The following ATE1 variants were observed in gnomAD, a reference collection of about 807,000 sequenced individuals.
The protein encoded by ATE1 is arginyltransferase 1.
Under a neutral mutation model 70.5 loss-of-function variants are expected in ATE1, and 36 were observed. That is an observed-to-expected ratio of 0.51 (90% CI 0.39 to 0.67). The LOEUF (loss-of-function observed/expected upper bound fraction) is 0.67, where lower values mean the gene tolerates loss of function less well. Ranked by LOEUF, ATE1 falls within the 30% of genes least tolerant of loss-of-function variation. ATE1 has a pLI of 0.00. For missense variants in ATE1, 593 were observed against 629.5 expected (o/e 0.94, Z 0.62); for synonymous variants, 232 against 219.3 (o/e 1.06, Z -0.51).
chr10:121,867,254 G>A (rs930017199), intron 8 of ATE1, among the ~76,000 whole-genome samples: 6 of 152,150 alleles, frequency 3.9e-5, no homozygotes, highest in East Asian at 1.9e-4. Flanking sequence ...TTTGAGAGAC[G>A]TCAACTGTTA....
chr10:121,836,354 C>T (rs1316088342), intron 10 of ATE1, among the ~76,000 whole-genome samples: 1 of 152,178 alleles, frequency 6.6e-6, no homozygotes, highest in Admixed American at 6.5e-5. Context: ...TTTGTTATTG[C>T]TATCGCGGTG....
At chr10:121,869,174 T>C (rs1044967382) in intron 8 of ATE1, among the ~76,000 whole-genome samples, 15 of 152,154 alleles carry the variant, frequency 9.9e-5, no homozygotes, top group Admixed American at 8.5e-4. Flanking sequence ...ATTTGAGAGG[T>C]AGGAATTATT....
At chr10:121,771,228 GC>G (rs1945505188) in intron 11 of ATE1, among the ~76,000 whole-genome samples, 1 of 152,098 alleles carries the variant, frequency 6.6e-6, no homozygotes, top group Non-Finnish European at 1.5e-5. Context: ...CTGCCACCAT[GC>G]CTGGCTAATT....
intron 11 of ATE1, among the ~76,000 whole-genome samples, chr10:121,744,857 T>C (rs918199932): frequency 2.6e-5 from 4 of 152,214 alleles, no homozygotes; most frequent in African/African-American, 9.7e-5. Context: ...TGGAAGTGTT[T>C]TGTGGAAGTT....
At chr10:121,803,878 G>A (rs190455005) in intron 10 of ATE1, among the ~76,000 whole-genome samples, 2 of 151,694 alleles carry the variant, frequency 1.3e-5, no homozygotes, top group East Asian at 1.9e-4. Flanking sequence ...CCTTTTTTTC[G>A]GCCTGATGGA....
intron 10 of ATE1, among the ~76,000 whole-genome samples, chr10:121,791,871 C>CA (rs1405016283): frequency 2.0e-5 from 3 of 152,154 alleles, no homozygotes; most frequent in Non-Finnish European, 4.4e-5. Context: ...AACACCAGTG[C>CA]AAAACTCATT....
chr10:121,860,935 A>T (rs1024979178), intron 8 of ATE1, among the ~76,000 whole-genome samples: 1 of 152,200 alleles, frequency 6.6e-6, no homozygotes, highest in Admixed American at 6.5e-5. Flanking sequence ...CTGCTTTTAC[A>T]ATATTTCTTA....
Position 121,920,980 on chromosome 10 carries a change from C to T in ATE1, c.233+1369G>A, listed in dbSNP as rs78943820. Among the ~76,000 whole-genome samples, 1,340 of 149,200 alleles carry T rather than the reference C, an allele frequency of 9.0e-3. 13 individuals are homozygous for T. The highest frequency in any genetic ancestry group is 0.031 in the African/African-American group (1,271 of 40,472). On this transcript the variant is annotated intron_variant, in intron 3 of 11. Coordinates refer to ENST00000224652, the MANE Select transcript of ATE1 (RefSeq NM_001001976.3). ...TTGCACTCCAGCCCAGGCGACAGTGCGAGACTCCGTCTCTTTAAAAAAAAA... is the reference window on the plus strand; with the variant it reads ...TTGCACTCCAGCCCAGGCGACAGTGTGAGACTCCGTCTCTTTAAAAAAAAA...
intron 10 of ATE1, among the ~76,000 whole-genome samples, chr10:121,813,341 C>T (rs1417566542): frequency 6.6e-6 from 1 of 152,190 alleles, no homozygotes; most frequent in Non-Finnish European, 1.5e-5. Context: ...CCTCATTCTC[C>T]ATCTCAACCT....
intron 2 of ATE1, among the ~76,000 whole-genome samples, chr10:121,922,893 C>G (rs1476049399): frequency 6.6e-6 from 1 of 152,192 alleles, no homozygotes; most frequent in Non-Finnish European, 1.5e-5. Flanking sequence ...AGTCAGAGAC[C>G]TGGGAGTCAT....
intron 8 of ATE1, among the ~76,000 whole-genome samples, chr10:121,856,178 G>A (rs549360718): frequency 5.3e-5 from 8 of 151,816 alleles, no homozygotes; most frequent in Admixed American, 2.6e-4. Context: ...AAAAGTTATC[G>A]CTTTTCTCAG....
chr10:121,924,594 A>G (rs1393548737), intron 1 of ATE1, among the ~76,000 whole-genome samples: 1 of 151,522 alleles, frequency 6.6e-6, no homozygotes, highest in East Asian at 1.9e-4. Flanking sequence ...CAGCTACTCA[A>G]GAGGCTGCAG....
chr10:121,922,364 G>A lies in ATE1; in HGVS notation c.218C>T (p.Pro73Leu). 1 of 1,597,108 alleles carries A rather than the reference G, an allele frequency of 6.3e-7. No homozygotes were observed. ...AAATTCTTACCTTATTGTGTACTGA[G>A]GACAACATGTTTGATTCATGACAGG... ...YKPVMNQTCC[P>L]QYTIRCRPLQ... Residue 73 changes from proline to leucine, a missense_variant, in exon 3 of 12, where the codon CCT (proline) becomes CTT (leucine). Transcript: ENST00000224652.
In ATE1 at chr10:121,885,743, T is replaced by C. The variant is rs191993728; in HGVS notation, c.942+14123A>G. Among the ~76,000 whole-genome samples, 243 of 151,256 alleles carry C rather than the reference T, an allele frequency of 1.6e-3. 1 individual carries two copies. Among genetic ancestry groups the C allele is most frequent in the African/African-American group, 5.6e-3 (230 of 41,194 alleles). On this transcript the variant is annotated intron_variant, in intron 7 of 11. Coordinates refer to ENST00000224652, the MANE Select transcript of ATE1 (RefSeq NM_001001976.3). The stretch of plus-strand genomic sequence containing the variant: ...GGTGAAACCCTGTCCCTACTAAAAA[T>C]ACAAAAATTAGCCGGGCTTGGAGTC...
intron 3 of ATE1, among the ~76,000 whole-genome samples, chr10:121,918,274 A>G (rs1590726028): frequency 6.6e-6 from 1 of 152,042 alleles, no homozygotes; most frequent in East Asian, 1.9e-4. Context: ...CGGAGGTTTC[A>G]GTGAGCAGAG....
intron 10 of ATE1, among the ~76,000 whole-genome samples, chr10:121,815,805 G>T (rs912286108): frequency 6.6e-6 from 1 of 152,122 alleles, no homozygotes; most frequent in Non-Finnish European, 1.5e-5. Context: ...GTTTAAACAG[G>T]GTTTCTCAAC....
intron 10 of ATE1, among the ~76,000 whole-genome samples, chr10:121,831,451 G>A (rs771065933): frequency 3.9e-5 from 6 of 152,064 alleles, no homozygotes; most frequent in Admixed American, 3.3e-4. Flanking sequence ...CTGATTAGAC[G>A]ACGACTGCTC....
intron 7 of ATE1, among the ~76,000 whole-genome samples, chr10:121,897,414 T>A (rs1950821503): frequency 6.6e-6 from 1 of 152,180 alleles, no homozygotes; most frequent in Admixed American, 6.5e-5. Context: ...TTCCTAGGCC[T>A]AGCAGAATCC....
intron 11 of ATE1, among the ~76,000 whole-genome samples, chr10:121,786,943 G>A (rs1273673673): frequency 6.6e-6 from 1 of 152,104 alleles, no homozygotes; most frequent in Non-Finnish European, 1.5e-5. Context: ...AAAATCATTT[G>A]AGAAACTTTT....
Sources: allele counts gnomAD v4.1 joint callset (sites outside exome capture counted in the v4.1 genomes callset), GRCh38; gene constraint gnomAD v4.1.1; transcripts MANE v1.5; gene names NCBI Gene and HGNC (gene_info 2026-07-23, HGNC 2026-07-21).